Variants in MGAM2 observed in about 807,000 individuals in gnomAD.
The protein encoded by MGAM2 is probable maltase-glucoamylase 2.
Under a neutral mutation model 96.1 loss-of-function variants are expected in MGAM2, and 98 were observed. The observed-to-expected ratio is 1.02, with a 90% confidence interval of 0.87 to 1.21. The LOEUF (loss-of-function observed/expected upper bound fraction) is 1.21, where lower values mean the gene tolerates loss of function less well. Among genes scored for constraint, MGAM2 ranks in the 50% most tolerant of loss-of-function variants. The probability of loss-of-function intolerance (pLI) is 0.00; values close to 1 mark genes in which losing one functional copy is unlikely to be tolerated. For synonymous variants in MGAM2, 749 were observed against 414.8 expected (o/e 1.81, Z -9.79); for missense variants, 2,055 against 1,182.4 (o/e 1.74, Z -10.82).
intron 13 of MGAM2, 53 bp from the exon 14 acceptor site, chr7:142,144,808 G>C (rs1425448917): frequency 7.4e-6 from 5 of 676,784 alleles, no homozygotes; most frequent in Non-Finnish European, 8.1e-6. Context: ...TTTCTCAACA[G>C]CTAAATGTAG....
chr7:142,213,209 G>A (rs947722150), intron 46 of MGAM2, among the ~76,000 whole-genome samples: 4 of 152,084 alleles, frequency 2.6e-5, no homozygotes, highest in Non-Finnish European at 5.9e-5. Context: ...AATGCCCACA[G>A]GAGAAAACAG....
At chr7:142,162,691 A>C (rs773048312) in intron 23 of MGAM2, among the ~76,000 whole-genome samples, 2 of 151,194 alleles carry the variant, frequency 1.3e-5, no homozygotes, top group African/African-American at 2.4e-5. Context: ...TAATTTATAT[A>C]TAAGGTATAA....
chr7:142,175,065 T>TA (rs1200402819), intron 31 of MGAM2, among the ~76,000 whole-genome samples: 1 of 152,140 alleles, frequency 6.6e-6, no homozygotes, highest in African/African-American at 2.4e-5. Context: ...GAACTTCCAA[T>TA]ACTACATTGA....
chr7:142,218,199 A>G (rs759821452), intron 46 of MGAM2, among the ~76,000 whole-genome samples, 162 bp from the exon 47 acceptor site: 1 of 152,210 alleles, frequency 6.6e-6, no homozygotes, highest in Non-Finnish European at 1.5e-5. Flanking sequence ...TGTTCTCCAT[A>G]AATATGTATA....
At chr7:142,143,634 G>C in intron 12 of MGAM2, 135 bp from the exon 13 acceptor site, 1 of 446,924 alleles carries the variant, frequency 2.2e-6, no homozygotes, top group Non-Finnish European at 4.0e-6. Flanking sequence ...TTATTGTTTA[G>C]TTTTTGTTGG....
chr7:142,200,816 A>G (rs1797199656), intron 45 of MGAM2, among the ~76,000 whole-genome samples: 2 of 152,272 alleles, frequency 1.3e-5, no homozygotes, highest in African/African-American at 2.4e-5. Flanking sequence ...AAAAAAATAC[A>G]AGCACTTTTA....
intron 26 of MGAM2, among the ~76,000 whole-genome samples, chr7:142,169,355 G>A (rs1395973067): frequency 6.6e-6 from 1 of 151,960 alleles, no homozygotes; most frequent in East Asian, 1.9e-4. Flanking sequence ...CTGGGTGGTG[G>A]AGATCGCAGT....
In MGAM2 at chr7:142,154,717, C is replaced by T; in HGVS notation, c.1807-12C>T. 1.4e-6 allele frequency: 1 copy of T among 702,920 alleles called. No individual in the cohort carries two copies. Among genetic ancestry groups the T allele is most frequent in the Non-Finnish European group, 2.6e-6 (1 of 384,924 alleles). The allele number at this position is 702,920 out of a possible 1,614,324, so 43.5% of individuals were successfully genotyped here. A position where few individuals can be genotyped will look rare whatever the true frequency, so the allele number is the denominator to read the frequency against. ...ATTGACCACAGTGCTTGTATGTGTG[C>T]TAATTCTCCAGGTAGGTGCCAACAT... On this transcript the variant is annotated splice_polypyrimidine_tract_variant and intron_variant, in intron 16 of 47. Coordinates refer to ENST00000477922, the MANE Select transcript of MGAM2 (RefSeq NM_001293626.2).
chr7:142,215,758 CAA>C (rs561282810), intron 46 of MGAM2, among the ~76,000 whole-genome samples: 6,825 of 104,114 alleles, frequency 0.066, 121 homozygotes, highest in Middle Eastern at 0.081. Context: ...AACTCTGTCT[CAA>C]AAAAAAAAAA....
At chr7:142,218,641 A>G in intron 47 of MGAM2, 110 bp downstream of exon 47, 1 of 590,498 alleles carries the variant, frequency 1.7e-6, no homozygotes, top group Non-Finnish European at 3.0e-6. Context: ...ATTTTCATGT[A>G]TTAGATGGTT....
chr7:142,184,096 C>T lies in MGAM2; in HGVS notation c.3924+723C>T, dbSNP rs138485614. On this transcript the variant is annotated intron_variant, in intron 33 of 47. Coordinates refer to ENST00000477922, the MANE Select transcript of MGAM2 (RefSeq NM_001293626.2). Reference sequence around the variant, plus strand: ...CAAGCGATTCTCCTGCCTCAGCCTCCTGAGTAGCTGGGATTACATGTGTGT... The same window carrying T: ...CAAGCGATTCTCCTGCCTCAGCCTCTTGAGTAGCTGGGATTACATGTGTGT... Among the ~76,000 whole-genome samples the T allele has an allele frequency of 5.4e-3, 821 of 150,758 alleles. 5 individuals are homozygous for T. Among genetic ancestry groups the T allele is most frequent in the Non-Finnish European group, 9.7e-3 (661 of 67,798 alleles).
In MGAM2 at chr7:142,175,643, T is replaced by C; in HGVS notation, c.3688-9T>C. 1.4e-6 allele frequency: 1 copy of C among 702,388 alleles called. No homozygotes were observed. Among genetic ancestry groups the C allele is most frequent in the Non-Finnish European group, 2.6e-6 (1 of 384,836 alleles). 43.5% of individuals were successfully genotyped at this position (702,388 alleles called of 1,614,324 possible). ...AGGGTTCCAAGAGCCTTGCTGCTTC[T>C]TTCTGCAGGACGTCCAGCATGTAGA... On this transcript the variant is annotated splice_polypyrimidine_tract_variant and intron_variant, in intron 31 of 47. Coordinates refer to ENST00000477922, the MANE Select transcript of MGAM2 (RefSeq NM_001293626.2).
At chr7:142,147,178 G>C (rs774619215) in intron 14 of MGAM2, among the ~76,000 whole-genome samples, 1 of 152,144 alleles carries the variant, frequency 6.6e-6, no homozygotes, top group Non-Finnish European at 1.5e-5. Flanking sequence ...GATCCACTGC[G>C]TTTGCTCTGA....
intron 32 of MGAM2, among the ~76,000 whole-genome samples, chr7:142,181,310 G>C (rs887162828): frequency 5.9e-5 from 9 of 152,178 alleles, no homozygotes; most frequent in African/African-American, 1.4e-4. Context: ...GAGGCCCAAG[G>C]CTCTTTAAGA....
At chr7:142,117,103 C>T in intron 2 of MGAM2, 124 bp downstream of exon 2, 2 of 636,920 alleles carry the variant, frequency 3.1e-6, no homozygotes, top group South Asian at 3.7e-5. Flanking sequence ...AATTCACTTC[C>T]ATGATTAGTT....
chr7:142,192,161 T>TG (rs1389866232), intron 37 of MGAM2, among the ~76,000 whole-genome samples: 2 of 152,144 alleles, frequency 1.3e-5, no homozygotes, highest in African/African-American at 4.8e-5. Context: ...TATCAACAGG[T>TG]GATGTATCAT....
At chr7:142,171,250 G>A (rs755896422) in intron 27 of MGAM2, 22 bp from the exon 28 acceptor site, 13 of 701,932 alleles carry the variant, frequency 1.9e-5, no homozygotes, top group African/African-American at 8.7e-5. Flanking sequence ...CCAGCTCAGC[G>A]TGATCTGCTT....
At chr7:142,127,263 T>G (rs1344076092) in intron 3 of MGAM2, among the ~76,000 whole-genome samples, 1 of 152,200 alleles carries the variant, frequency 6.6e-6, no homozygotes, top group Non-Finnish European at 1.5e-5. Flanking sequence ...CTTTCCCTAA[T>G]TTGTCTTCTC....
chr7:142,168,373 G>A (rs141865403), intron 26 of MGAM2, among the ~76,000 whole-genome samples: 4,732 of 151,808 alleles, frequency 0.031, 96 homozygotes, highest in South Asian at 0.06. Context: ...GAGTTCAAGC[G>A]ATTCTCCTGC....
Sources: gnomAD v4.1 joint callset for allele counts (sites outside exome capture counted in the v4.1 genomes callset) on GRCh38, gnomAD v4.1.1 for gene constraint, MANE v1.5 for transcripts, NCBI Gene and HGNC (gene_info 2026-07-23, HGNC 2026-07-21) for gene names.